PELP1: variants seen among roughly 807,000 people sequenced by gnomAD.
PELP1 encodes the protein proline, glutamate and leucine rich protein 1.
A neutral mutation model predicts 95.5 loss-of-function variants in PELP1; 32 were observed. The ratio of observed to expected loss-of-function variants is 0.34; its 90% CI spans 0.25 to 0.45. The LOEUF is 0.45. Ranked by LOEUF, PELP1 falls within the 20% of genes least tolerant of loss-of-function variation. The pLI is 1.00. For synonymous variants in PELP1, 668 were observed against 600.1 expected (o/e 1.11, Z -1.65); for missense variants, 1,358 against 1,444.8 (o/e 0.94, Z 0.97).
chr17:4,680,883 T>C (rs907536709), intron 5 of PELP1, among the ~76,000 whole-genome samples: 2 of 152,234 alleles, frequency 1.3e-5, no homozygotes, highest in Admixed American at 1.3e-4. Flanking sequence ...GCCCTTTAAC[T>C]GTGACTGCTT....
intron 1 of PELP1, among the ~76,000 whole-genome samples, chr17:4,694,285 T>C (rs1204459329): frequency 1.3e-5 from 2 of 151,878 alleles, no homozygotes; most frequent in African/African-American, 4.8e-5. Flanking sequence ...GATGAAAATG[T>C]TCCAAAACTG....
Position 4,676,119 on chromosome 17 carries a change from G to A in PELP1, c.897C>T (p.Ser299=), listed in dbSNP as rs763740409. 10 of 1,613,970 alleles carry A rather than the reference G, an allele frequency of 6.2e-6. No homozygotes were observed. The South Asian group carries it at 1.1e-4, about 18-fold the overall frequency. Residue 299 remains serine (S), a synonymous_variant, in exon 8 of 17, where the codon TCC becomes TCT. Transcript: ENST00000572293. ...GGACATGGGCATCACCATCTTCTGAGGACAGCAGCATCTCCACCCCAGGGC... is the reference window on the plus strand; with the variant it reads ...GGACATGGGCATCACCATCTTCTGAAGACAGCAGCATCTCCACCCCAGGGC... ...NEGPGVEMLL[S]SEDGDAHVLL... is the part of the protein sequence containing the mutation.
chr17:4,700,992 TA>T (rs34278447), intron 1 of PELP1, among the ~76,000 whole-genome samples: 6,963 of 29,238 alleles, frequency 0.24, 196 homozygotes, highest in Non-Finnish European at 0.27. Flanking sequence ...AAAGTTCCAC[TA>T]AAAAAAAAAA....
intron 5 of PELP1, among the ~76,000 whole-genome samples, chr17:4,681,838 G>A (rs987449894): frequency 6.6e-6 from 1 of 151,512 alleles, no homozygotes; most frequent in African/African-American, 2.4e-5. Context: ...TGAATTGGTT[G>A]AACGTTAAAA....
At chr17:4,676,881 C>A in intron 5 of PELP1, 69 bp from the exon 6 acceptor site, 2 of 1,200,192 alleles carry the variant, frequency 1.7e-6, no homozygotes, top group South Asian at 1.3e-5. Context: ...ACATCCCATC[C>A]GTTCCCAGCA....
At position 4,671,826 on chromosome 17, in the gene PELP1, T is replaced by C. The variant is rs1912214130; in HGVS notation, c.3165A>G (p.Glu1055=). ...AAGPPPQELV[E]EEPSAPPTLL... ...GGGTTGGGGGAGCAGAGGGCTCTTCTTCAACAAGCTCCTGGGGAGGGGGCC... is the reference window on the plus strand; with the variant it reads ...GGGTTGGGGGAGCAGAGGGCTCTTCCTCAACAAGCTCCTGGGGAGGGGGCC... The change falls in exon 16 of 17, where the codon GAA becomes GAG. Residue 1055 remains glutamate, a synonymous_variant. Coordinates refer to ENST00000572293, the MANE Select transcript of PELP1 (RefSeq NM_014389.3). The C allele has an allele frequency of 1.3e-6, 2 of 1,512,420 alleles. No homozygotes were observed. Among genetic ancestry groups the C allele is most frequent in the South Asian group, 2.8e-5 (2 of 72,428 alleles). The allele number at this position is 1,512,420 out of a possible 1,614,324, so 93.7% of individuals were successfully genotyped here. A position where few individuals can be genotyped will look rare whatever the true frequency, so the allele number is the denominator to read the frequency against.
chr17:4,696,195 G>C (rs1913290002), intron 1 of PELP1, among the ~76,000 whole-genome samples: 1 of 152,064 alleles, frequency 6.6e-6, no homozygotes, highest in Non-Finnish European at 1.5e-5. Flanking sequence ...AGCCGAACAT[G>C]GTGGAGGGCA....
At chr17:4,680,913 T>C (rs954751137) in intron 5 of PELP1, among the ~76,000 whole-genome samples, 2 of 152,198 alleles carry the variant, frequency 1.3e-5, no homozygotes. Context: ...TTGTAAACCA[T>C]TCATGTTTGT....
Position 4,673,234 on chromosome 17 carries a change from G to T in PELP1, c.1845+16C>A. On this transcript the variant is annotated intron_variant, in intron 15 of 16. Transcript: ENST00000572293. The surrounding 1 kb of genome is among the most constrained non-coding windows in gnomAD (Gnocchi z 5.7). ...GACTCCAGGAACCAAAGAGGGGCTTGGCCCATCACAGTTACCTCAAGGCTA... is the reference window on the plus strand; with the variant it reads ...GACTCCAGGAACCAAAGAGGGGCTTTGCCCATCACAGTTACCTCAAGGCTA... 2 of 1,557,138 alleles carry T rather than the reference G, an allele frequency of 1.3e-6. No homozygotes were observed. Among genetic ancestry groups the T allele is most frequent in the South Asian group, 1.2e-5 (1 of 85,012 alleles).
At chr17:4,703,456 G>A (rs903462603) in intron 1 of PELP1, among the ~76,000 whole-genome samples, 21 of 152,164 alleles carry the variant, frequency 1.4e-4, no homozygotes, top group African/African-American at 5.1e-4. Context: ...TGTAACCGGA[G>A]CGCCTAGTAC....
In PELP1 at chr17:4,675,926, C is replaced by G; in HGVS notation, c.981-42G>C. ...CAGGGAGACCTTCAGAGCAGGCTCCCTGGCATAACTCCCACACCCACCTTC... is the reference window on the plus strand; with the variant it reads ...CAGGGAGACCTTCAGAGCAGGCTCCGTGGCATAACTCCCACACCCACCTTC... On this transcript the variant is annotated intron_variant, in intron 8 of 16. Coordinates refer to ENST00000572293, the MANE Select transcript of PELP1 (RefSeq NM_014389.3). This position sits in a 1 kb window ranked among gnomAD's most constrained non-coding sequence, Gnocchi z 4.3. 6.3e-7 allele frequency: 1 copy of G among 1,582,128 alleles called. No homozygotes were observed. The highest frequency in any genetic ancestry group is 8.6e-7 in the Non-Finnish European group (1 of 1,160,634).
Position 4,685,517 on chromosome 17 carries a change from C to G in PELP1, c.421-2565G>C, listed in dbSNP as rs1321236572. ...CTAGTAAAAGATGCCAGGCCAGGCACGGTAGCACCTGCCTGTAATCCCAAC... is the reference window on the plus strand; with the variant it reads ...CTAGTAAAAGATGCCAGGCCAGGCAGGGTAGCACCTGCCTGTAATCCCAAC... On this transcript the variant is annotated intron_variant, in intron 3 of 16. Transcript: ENST00000572293. Among the ~76,000 whole-genome samples, 6 of 152,068 alleles carry G rather than the reference C, an allele frequency of 3.9e-5. No individual in the cohort carries two copies. The South Asian group carries it at 1.2e-3, about 32-fold the overall frequency.
rs753392672 is a variant in PELP1, at chr17:4,671,990, G to C, written c.3001C>G (p.Pro1001Ala). 10 of 1,550,110 alleles carry C rather than the reference G, an allele frequency of 6.5e-6. No individual in the cohort carries two copies. In the African/African-American group the frequency reaches 8.2e-5, roughly 13 times the overall value. Residue 1001 changes from proline (P) to alanine (A), a missense_variant, in exon 16 of 17, where the codon CCT becomes GCT. Transcript: ENST00000572293. The part of the protein sequence containing the change: ...SPPKVQPEPE[P>A]EPGLLLEVEE... Reference sequence around the variant, plus strand: ...ACTTCCAAAAGCAGCCCGGGTTCAGGTTCGGGTTCTGGCTGCACCTTTGGG... The same window carrying C: ...ACTTCCAAAAGCAGCCCGGGTTCAGCTTCGGGTTCTGGCTGCACCTTTGGG...
intron 6 of PELP1, 64 bp downstream of exon 6, chr17:4,676,689 G>A: frequency 1.4e-6 from 2 of 1,441,762 alleles, no homozygotes; most frequent in Non-Finnish European, 1.9e-6. Context: ...AGCTAGAGGA[G>A]GAGCAGCAAG....
chr17:4,675,397 G>T lies in PELP1; in HGVS notation c.1069-35C>A. 1 of 1,292,622 alleles carries T rather than the reference G, an allele frequency of 7.7e-7. No homozygotes were observed. 80.1% of individuals were successfully genotyped at this position (1,292,622 alleles called of 1,614,324 possible). ...AAAGGGGCAGAGATAAAGAGTGGAG[G>T]AAGAAAGTGAGAGCCAGAGAGAGAC... is the stretch of plus-strand genomic sequence containing the variant. On this transcript the variant is annotated intron_variant, in intron 9 of 16. Coordinates refer to ENST00000572293, the MANE Select transcript of PELP1 (RefSeq NM_014389.3). This position sits in a 1 kb window ranked among gnomAD's most constrained non-coding sequence, Gnocchi z 4.3.
Position 4,675,844 on chromosome 17 carries a change from T to C in PELP1, c.1021A>G (p.Ile341Val). ...AGGGTCCGGCAGATGAAATCCAGGATTTCCTGCACAGGGACGGACACGGGA... is the reference window on the plus strand; with the variant it reads ...AGGGTCCGGCAGATGAAATCCAGGACTTCCTGCACAGGGACGGACACGGGA... The part of the protein sequence containing the change: ...GAPVSVPVQE[I>V]LDFICRTLSV... The change falls in exon 9 of 17, where the codon ATC (isoleucine) becomes GTC (valine). Residue 341 changes from isoleucine to valine, a missense_variant. By Grantham distance (29) the Ile-to-Val change is conservative. Around this residue, in one of 7 missense-constraint regions of PELP1, gnomAD observed 538 missense variants for 628.1 expected, o/e 0.86. Coordinates refer to ENST00000572293, the MANE Select transcript of PELP1 (RefSeq NM_014389.3). This position sits in a 1 kb window ranked among gnomAD's most constrained non-coding sequence, Gnocchi z 4.3. 1.9e-6 allele frequency: 3 copies of C among 1,591,968 alleles called. No homozygotes were observed. The highest frequency in any genetic ancestry group is 2.6e-6 in the Non-Finnish European group (3 of 1,169,284).
intron 3 of PELP1, chr17:4,683,217 TTTTC>T: frequency 3.5e-6 from 1 of 282,728 alleles, no homozygotes; most frequent in Non-Finnish European, 4.9e-6. Context: ...AACTGAAGAG[TTTTC>T]TTTTTTTTTT....
At chr17:4,697,512 T>A (rs377639198) in intron 1 of PELP1, among the ~76,000 whole-genome samples, 2 of 152,204 alleles carry the variant, frequency 1.3e-5, no homozygotes, top group African/African-American at 4.8e-5. Context: ...AGACCCTGTC[T>A]CAATGAAACA....
chr17:4,687,513 A>G (rs891151208), intron 3 of PELP1, among the ~76,000 whole-genome samples: 9 of 152,044 alleles, frequency 5.9e-5, no homozygotes, highest in Non-Finnish European at 1.2e-4. Flanking sequence ...AAAAAAAAAA[A>G]AAAAAAAAGT....
Sources: gnomAD v4.1 joint callset for allele counts (sites outside exome capture counted in the v4.1 genomes callset) on GRCh38, gnomAD v4.1.1 for gene constraint, gnomAD v4.1.1 regional missense constraint, Gnocchi (gnomAD v3.1) non-coding constraint, MANE v1.5 for transcripts, NCBI Gene and HGNC (gene_info 2026-07-23, HGNC 2026-07-21) for gene names.